Variants in RBM47 observed in about 807,000 individuals in gnomAD.
RBM47 encodes the protein RNA binding motif protein 47.
A neutral mutation model predicts 47.1 loss-of-function variants in RBM47; 21 were observed. The observed-to-expected ratio is 0.45, with a 90% CI of 0.32 to 0.64. RBM47 has a LOEUF of 0.64. Among genes scored for constraint, RBM47 ranks in the 30% least tolerant of loss-of-function variants. The pLI is 0.05. For synonymous variants in RBM47, 375 were observed against 361.7 expected, an observed-to-expected ratio of 1.04 and a Z score of -0.42; for missense variants, 708 against 870.9, an observed-to-expected ratio of 0.81 and a Z score of 2.35.
rs1737985098 is a variant in RBM47, at chr4:40,628,959, C to T, written c.-240+437G>A. On this transcript the variant is annotated intron_variant, in intron 1 of 6. Coordinates refer to ENST00000295971, the MANE Select transcript of RBM47 (RefSeq NM_001098634.2). The surrounding 1 kb of genome is among the most constrained non-coding windows in gnomAD (Gnocchi z 4.0). ...ACCTCTACCGAGTGTTACTTTCAGA[C>T]GTAAATTACTGCAGGAAGACCCCCC... Among the ~76,000 whole-genome samples, 1 of 152,128 alleles carries T rather than the reference C, an allele frequency of 6.6e-6. No homozygotes were observed. The highest frequency in any genetic ancestry group is 1.9e-4 in the East Asian group (1 of 5,196).
At chr4:40,566,861 C>T (rs1411787725) in intron 1 of RBM47, among the ~76,000 whole-genome samples, 1 of 151,732 alleles carries the variant, frequency 6.6e-6, no homozygotes, top group East Asian at 1.9e-4. Context: ...GAGTGTATGC[C>T]TTAGCCACTC....
At chr4:40,551,995 C>A (rs1273868288) in intron 1 of RBM47, among the ~76,000 whole-genome samples, 1 of 152,146 alleles carries the variant, frequency 6.6e-6, no homozygotes, top group East Asian at 1.9e-4. Context: ...AAAGATGACA[C>A]AGGCATTGAC....
chr4:40,521,750 G>C (rs1726213071), intron 2 of RBM47, among the ~76,000 whole-genome samples: 1 of 152,110 alleles, frequency 6.6e-6, no homozygotes, highest in African/African-American at 2.4e-5. Context: ...ACAACAGACA[G>C]TATTGATTTC....
chr4:40,530,839 C>A (rs761162649), intron 2 of RBM47, among the ~76,000 whole-genome samples: 2 of 152,208 alleles, frequency 1.3e-5, no homozygotes, highest in Non-Finnish European at 2.9e-5. Flanking sequence ...GTGGCTCACA[C>A]CTGCCACCCT....
intron 1 of RBM47, among the ~76,000 whole-genome samples, chr4:40,578,885 G>A (rs1309176184): frequency 2.0e-5 from 3 of 151,170 alleles, no homozygotes; most frequent in African/African-American, 7.3e-5. Context: ...TGGGAGGCCA[G>A]GGAGGGCAGA....
rs1446606902 is a variant in RBM47, at chr4:40,629,783, C to T, written c.-627G>A. ...CGGGCTCAGCTCCCGAGGCCGGGAG[C>T]GCGCGGCGGTTCCACCCGCAGAGCG... On this transcript the variant is annotated 5_prime_UTR_variant, in exon 1 of 7. Coordinates refer to ENST00000295971, the MANE Select transcript of RBM47 (RefSeq NM_001098634.2). The T allele has an allele frequency of 6.6e-6, 1 of 152,230 alleles. No individual in the cohort carries two copies. The highest frequency in any genetic ancestry group is 6.5e-5 in the Admixed American group (1 of 15,284). The allele number at this position is 152,230 out of a possible 1,614,324, so 9.4% of individuals were successfully genotyped here.
chr4:40,461,703 C>T (rs1369394223), intron 3 of RBM47, among the ~76,000 whole-genome samples: 4 of 152,096 alleles, frequency 2.6e-5, no homozygotes, highest in Non-Finnish European at 2.9e-5. Flanking sequence ...CTGAGATGGG[C>T]GGATCACCTG....
At chr4:40,604,427 C>T (rs1452362568) in intron 1 of RBM47, among the ~76,000 whole-genome samples, 1 of 152,098 alleles carries the variant, frequency 6.6e-6, no homozygotes, top group Non-Finnish European at 1.5e-5. Context: ...GAGTTTAAAA[C>T]CAGCCTGGGC....
intron 2 of RBM47, among the ~76,000 whole-genome samples, chr4:40,512,524 T>A (rs1725072616): frequency 6.6e-6 from 1 of 151,038 alleles, no homozygotes; most frequent in Admixed American, 6.6e-5. Context: ...AAGACCAGCT[T>A]GGCCAAAATG....
At chr4:40,586,855 G>T (rs565176643) in intron 1 of RBM47, among the ~76,000 whole-genome samples, 13 of 152,154 alleles carry the variant, frequency 8.5e-5, no homozygotes, top group East Asian at 3.9e-4. Flanking sequence ...CAAGACAGTG[G>T]CACGGTATGA....
intron 4 of RBM47, among the ~76,000 whole-genome samples, chr4:40,437,323 C>T (rs1025481633): frequency 2.5e-4 from 38 of 151,234 alleles, no homozygotes; most frequent in African/African-American, 8.8e-4. Context: ...AATCAGAGAA[C>T]AGGACCCAGA....
chr4:40,452,264 T>A (rs1238551858), intron 3 of RBM47, among the ~76,000 whole-genome samples: 1 of 151,430 alleles, frequency 6.6e-6, no homozygotes, highest in African/African-American at 2.4e-5. Context: ...TGGTCTCAAA[T>A]AGCTGAAATG....
Position 40,426,091 on chromosome 4 carries a change from G to A in RBM47, c.1595C>T (p.Pro532Leu). Residue 532 changes from proline to leucine, a missense_variant, in exon 7 of 7, where the codon CCT (proline) becomes CTT (leucine). By Grantham distance (98) the Pro-to-Leu change is moderately conservative. Transcript: ENST00000295971. Reference protein sequence around the residue: ...YTVAPNVQRIPTAGIYGASYV... With the variant: ...YTVAPNVQRILTAGIYGASYV... Reference sequence around the variant, plus strand: ...ACTGGCCCCGTAGATCCCGGCAGTAGGAATTCTCTGAACGTTTGGAGCCAC... The same window carrying A: ...ACTGGCCCCGTAGATCCCGGCAGTAAGAATTCTCTGAACGTTTGGAGCCAC... The A allele has an allele frequency of 1.9e-6, 3 of 1,614,232 alleles. No homozygotes were observed. Among genetic ancestry groups the A allele is most frequent in the Non-Finnish European group, 2.5e-6 (3 of 1,180,044 alleles).
intron 3 of RBM47, among the ~76,000 whole-genome samples, chr4:40,447,224 A>G (rs750509812): frequency 6.6e-5 from 10 of 152,210 alleles, no homozygotes; most frequent in Non-Finnish European, 1.3e-4. Context: ...TTAAATAAAC[A>G]TGGCAATATA....
At chr4:40,488,614 A>G (rs1721448334) in intron 2 of RBM47, among the ~76,000 whole-genome samples, 1 of 152,202 alleles carries the variant, frequency 6.6e-6, no homozygotes, top group African/African-American at 2.4e-5. Flanking sequence ...TGAGAAGTGT[A>G]TCTCAGCACC....
At chr4:40,474,391 G>C (rs1011450399) in intron 2 of RBM47, among the ~76,000 whole-genome samples, 31 of 151,988 alleles carry the variant, frequency 2.0e-4, no homozygotes, top group Admixed American at 2.0e-4. Flanking sequence ...CAGAGTAAAA[G>C]ACACAAATAA....
chr4:40,439,892 T>C (rs907585240), intron 3 of RBM47, among the ~76,000 whole-genome samples: 18 of 152,198 alleles, frequency 1.2e-4, no homozygotes, highest in African/African-American at 3.9e-4. Context: ...TCGAATTTTC[T>C]ATGATGCTAG....
At position 40,432,708 on chromosome 4, in the gene RBM47, C is replaced by CGCGGCT; in HGVS notation, c.1479_1484dup (p.Ala501_Ala502dup). On this transcript the variant is annotated inframe_insertion, in exon 6 of 7. Coordinates refer to ENST00000295971, the MANE Select transcript of RBM47 (RefSeq NM_001098634.2). ...TGACAGCGGCTGCGGCGGCTGCGGC[C>CGCGGCT]GCGGCTGCGGCGGCAGCAGCACTGG... 3 of 1,589,718 alleles carry CGCGGCT rather than the reference C, an allele frequency of 1.9e-6. No homozygotes were observed. Among genetic ancestry groups the CGCGGCT allele is most frequent in the South Asian group, 1.1e-5 (1 of 89,556 alleles).
chr4:40,568,674 G>C (rs192443312), intron 1 of RBM47, among the ~76,000 whole-genome samples: 46 of 151,938 alleles, frequency 3.0e-4, no homozygotes, highest in African/African-American at 1.0e-3. Flanking sequence ...TATTCTGACT[G>C]ACGGGCCACT....
Sources: gnomAD v4.1 joint callset for allele counts (sites outside exome capture counted in the v4.1 genomes callset) on GRCh38, gnomAD v4.1.1 for gene constraint, Gnocchi (gnomAD v3.1) non-coding constraint, MANE v1.5 for transcripts, NCBI Gene and HGNC (gene_info 2026-07-23, HGNC 2026-07-21) for gene names.